Variants in CHODL observed in about 807,000 individuals in gnomAD.
CHODL encodes chondrolectin.
CHODL carries 29 observed loss-of-function variants against 34.5 expected under a neutral mutation model. The ratio of observed to expected loss-of-function variants is 0.84; its 90% CI spans 0.63 to 1.15. CHODL has a LOEUF of 1.15. CHODL is among the 50% of genes most tolerant of loss of function. CHODL has a pLI of 0.00. For synonymous variants in CHODL, 125 were observed against 116.1 expected, an observed-to-expected ratio of 1.08 and a Z score of -0.49; for missense variants, 332 against 332.5, an observed-to-expected ratio of 1.00 and a Z score of 0.01.
chr21:17,926,337 AT>A (rs1342646408), intron 1 of CHODL, among the ~76,000 whole-genome samples: 1 of 151,108 alleles, frequency 6.6e-6, no homozygotes, highest in Non-Finnish European at 1.5e-5. Flanking sequence ...AGGACAAATG[AT>A]TAAGTAAGCT....
intron 2 of CHODL, among the ~76,000 whole-genome samples, chr21:18,061,175 C>T (rs765662977): frequency 6.6e-6 from 1 of 152,132 alleles, no homozygotes; most frequent in Non-Finnish European, 1.5e-5. Context: ...GATACTAACA[C>T]TATGCCAGAA....
intron 2 of CHODL, among the ~76,000 whole-genome samples, chr21:18,142,204 T>C (rs1219832994): frequency 6.6e-6 from 1 of 150,458 alleles, no homozygotes; most frequent in Non-Finnish European, 1.5e-5. Flanking sequence ...GGAATTTTAG[T>C]TCCAGCATTG....
intron 1 of CHODL, among the ~76,000 whole-genome samples, chr21:18,009,812 T>C (rs385825): frequency 0.38 from 55,407 of 145,598 alleles, 12,872 homozygotes; most frequent in African/African-American, 0.67. Flanking sequence ...GGCGTGAACC[T>C]GGGAAGCGGA....
chr21:18,118,279 G>A (rs1386607399), intron 2 of CHODL, among the ~76,000 whole-genome samples: 1 of 152,070 alleles, frequency 6.6e-6, no homozygotes, highest in Non-Finnish European at 1.5e-5. Flanking sequence ...GCAAAAATGA[G>A]ACAAGAATCT....
chr21:18,186,635 T>C (rs555591007), intron 2 of CHODL, among the ~76,000 whole-genome samples: 7 of 152,182 alleles, frequency 4.6e-5, no homozygotes, highest in African/African-American at 1.7e-4. Flanking sequence ...GGTTACCTTG[T>C]AGTTTTAAAG....
chr21:18,234,102 A>G (rs112603337), intron 2 of CHODL, among the ~76,000 whole-genome samples: 10,296 of 152,204 alleles, frequency 0.068, 437 homozygotes, highest in Non-Finnish European at 0.096. Flanking sequence ...AAAACAAATC[A>G]TACCTTATTA....
chr21:17,957,407 T>C (rs887166950), intron 1 of CHODL, among the ~76,000 whole-genome samples: 1 of 152,208 alleles, frequency 6.6e-6, no homozygotes, highest in Non-Finnish European at 1.5e-5. Flanking sequence ...TTCCTACATG[T>C]TTCCTGATCT....
chr21:18,087,243 CA>C (rs1310620516), intron 2 of CHODL, among the ~76,000 whole-genome samples: 1 of 152,090 alleles, frequency 6.6e-6, no homozygotes, highest in Non-Finnish European at 1.5e-5. Flanking sequence ...GTGGTCTGCT[CA>C]AATATCAGTT....
chr21:18,163,535 T>TA (rs2073120530), intron 2 of CHODL, among the ~76,000 whole-genome samples: 2 of 152,174 alleles, frequency 1.3e-5, no homozygotes, highest in African/African-American at 4.8e-5. Flanking sequence ...ACCAAAATTC[T>TA]AGTAGGTTCT....
intron 2 of CHODL, among the ~76,000 whole-genome samples, chr21:18,089,080 T>A (rs1231141859): frequency 6.6e-6 from 1 of 152,226 alleles, no homozygotes; most frequent in Non-Finnish European, 1.5e-5. Context: ...CAGCTATAAA[T>A]CCTTTTTCAA....
At position 17,938,481 on chromosome 21, in the gene CHODL, TTTTTTTTTTTTTAAG is replaced by T. The variant is rs1273428089; in HGVS notation, c.-145+21082_-145+21096del. On this transcript the variant is annotated intron_variant, in intron 1 of 6. Transcript: ENST00000400127. ...CACATTCTTTTTTTTTTTTTTTTTTTTTTTTTTTTTTTAAGGAAAGGGAGTCTCGCTCCATCGCCC... is the reference window on the plus strand; with the variant it reads ...CACATTCTTTTTTTTTTTTTTTTTTTGAAAGGGAGTCTCGCTCCATCGCCC... Among the ~76,000 whole-genome samples the T allele has an allele frequency of 9.7e-3, 13 of 1,340 alleles. 1 individual carries two copies. Among genetic ancestry groups the T allele is most frequent in the South Asian group, 0.026 (1 of 38 alleles). The allele number at this position is 1,340 out of a possible 152,430, so 0.9% of individuals were successfully genotyped here. A position where few individuals can be genotyped will look rare whatever the true frequency, so the allele number is the denominator to read the frequency against.
At chr21:18,250,982 C>A (rs990737015) in intron 1 of CHODL, among the ~76,000 whole-genome samples, 29 of 150,800 alleles carry the variant, frequency 1.9e-4, no homozygotes, top group Non-Finnish European at 2.8e-4. Context: ...ATAATTATAG[C>A]GTGAGATATT....
At chr21:18,218,326 T>A (rs2073850500) in intron 2 of CHODL, among the ~76,000 whole-genome samples, 1 of 152,208 alleles carries the variant, frequency 6.6e-6, no homozygotes, top group South Asian at 2.1e-4. Context: ...CTCAACAGCA[T>A]GTGGAAGCTG....
intron 2 of CHODL, among the ~76,000 whole-genome samples, chr21:18,097,913 A>AG (rs2065159319): frequency 6.6e-6 from 1 of 152,112 alleles, no homozygotes; most frequent in South Asian, 2.1e-4. Context: ...ATACAAATTC[A>AG]CACACCTGCA....
At chr21:18,160,558 C>A (rs905452046) in intron 2 of CHODL, among the ~76,000 whole-genome samples, 1 of 152,072 alleles carries the variant, frequency 6.6e-6, no homozygotes, top group Admixed American at 6.6e-5. Flanking sequence ...CAACATTTAG[C>A]GTCCACGTAT....
intron 1 of CHODL, among the ~76,000 whole-genome samples, chr21:18,006,310 C>T (rs1291306804): frequency 2.0e-5 from 3 of 150,500 alleles, no homozygotes; most frequent in African/African-American, 2.5e-5. Context: ...CCATTGCACA[C>T]GTACCTATGT....
chr21:17,926,591 G>A (rs1192492762), intron 1 of CHODL, among the ~76,000 whole-genome samples: 1 of 152,106 alleles, frequency 6.6e-6, no homozygotes, highest in Non-Finnish European at 1.5e-5. Flanking sequence ...GCAAGCAGGG[G>A]AAATGCCAGA....
intron 2 of CHODL, among the ~76,000 whole-genome samples, chr21:18,110,591 C>T (rs1388393894): frequency 1.6e-5 from 1 of 62,822 alleles, no homozygotes; most frequent in African/African-American, 4.0e-5. Context: ...CAGCTGATGT[C>T]TGCCAGGCAC....
At chr21:18,030,811 C>T (rs753870847) in intron 2 of CHODL, among the ~76,000 whole-genome samples, 1 of 152,060 alleles carries the variant, frequency 6.6e-6, no homozygotes, top group African/African-American at 2.4e-5. Flanking sequence ...CCTTTGAAGG[C>T]AAAATTTGGG....
Sources: gnomAD v4.1 joint callset for allele counts (sites outside exome capture counted in the v4.1 genomes callset) on GRCh38, gnomAD v4.1.1 for gene constraint, MANE v1.5 for transcripts, NCBI Gene and HGNC (gene_info 2026-07-23, HGNC 2026-07-21) for gene names.